GNAQ: variants seen among roughly 807,000 people sequenced by gnomAD.
GNAQ encodes G protein subunit alpha q.
Under a neutral mutation model 43.9 loss-of-function variants are expected in GNAQ, and 8 were observed. The ratio of observed to expected loss-of-function variants is 0.18; its 90% CI spans 0.11 to 0.33. GNAQ has a LOEUF of 0.33. Ranked by LOEUF, GNAQ falls within the 10% of genes least tolerant of loss-of-function variation. GNAQ has a pLI of 1.00. For synonymous variants in GNAQ, 155 were observed against 170.7 expected, an observed-to-expected ratio of 0.91 and a Z score of 0.71; for missense variants, 158 against 450.8, an observed-to-expected ratio of 0.35 and a Z score of 5.88.
intron 5 of GNAQ, among the ~76,000 whole-genome samples, chr9:77,772,939 CA>C: frequency 6.6e-6 from 1 of 152,026 alleles, no homozygotes; most frequent in Non-Finnish European, 1.5e-5. Flanking sequence ...AGAAACACGC[CA>C]AAAAAAATCT....
At chr9:77,918,258 G>A (rs890357379) in intron 2 of GNAQ, among the ~76,000 whole-genome samples, 4 of 152,200 alleles carry the variant, frequency 2.6e-5, no homozygotes, top group Non-Finnish European at 5.9e-5. Context: ...GACAATATTA[G>A]AAAGTATCTT....
chr9:77,988,879 CTA>C (rs1823474794), intron 1 of GNAQ, among the ~76,000 whole-genome samples: 1 of 152,152 alleles, frequency 6.6e-6, no homozygotes, highest in Non-Finnish European at 1.5e-5. Flanking sequence ...TTTCATCAGA[CTA>C]TTACTTCATA....
intron 1 of GNAQ, among the ~76,000 whole-genome samples, chr9:77,923,580 T>C (rs1829028192): frequency 6.6e-6 from 1 of 152,176 alleles, no homozygotes; most frequent in Admixed American, 6.6e-5. Context: ...TCTCAGGGCC[T>C]GTTTCTCACT....
At chr9:77,904,317 C>CGTTTTTT (rs1244010736) in intron 2 of GNAQ, among the ~76,000 whole-genome samples, 1 of 77,406 alleles carries the variant, frequency 1.3e-5, no homozygotes, top group Non-Finnish European at 2.2e-5. Context: ...TTCACACCGG[C>CGTTTTTT]TTTTTTTTTT....
At chr9:77,970,894 GAAGAA>G (rs1248332380) in intron 1 of GNAQ, among the ~76,000 whole-genome samples, 1 of 151,770 alleles carries the variant, frequency 6.6e-6, no homozygotes, top group Non-Finnish European at 1.5e-5. Context: ...CCCTAATAAA[GAAGAA>G]AAGAGAGAAG....
At chr9:77,742,594 C>A (rs1354969896) in intron 5 of GNAQ, among the ~76,000 whole-genome samples, 3 of 150,874 alleles carry the variant, frequency 2.0e-5, no homozygotes, top group South Asian at 2.1e-4. Flanking sequence ...AAAAAAAAAA[C>A]CAATGTTCCA....
At chr9:77,828,862 T>C (rs1037297513) in intron 2 of GNAQ, among the ~76,000 whole-genome samples, 10 of 152,198 alleles carry the variant, frequency 6.6e-5, no homozygotes, top group Admixed American at 4.6e-4. Context: ...AACTGGAATA[T>C]TGGATTAGAT....
chr9:77,751,149 A>G (rs957703261), intron 5 of GNAQ, among the ~76,000 whole-genome samples: 2 of 152,236 alleles, frequency 1.3e-5, no homozygotes, highest in African/African-American at 4.8e-5. Context: ...GCTATCAGGC[A>G]TCTGCTTTCA....
At chr9:77,725,780 C>T (rs12005624) in intron 6 of GNAQ, among the ~76,000 whole-genome samples, 1,889 of 152,046 alleles carry the variant, frequency 0.012, 41 homozygotes, top group African/African-American at 0.042. Context: ...TCTTTTATTG[C>T]GGAAAAATCA....
intron 2 of GNAQ, among the ~76,000 whole-genome samples, chr9:77,878,303 G>A (rs1828158205): frequency 6.6e-6 from 1 of 151,300 alleles, no homozygotes; most frequent in Non-Finnish European, 1.5e-5. Context: ...CTCAGTCTAG[G>A]GAAAATGGCC....
intron 1 of GNAQ, among the ~76,000 whole-genome samples, chr9:77,998,984 CGG>C (rs1211793783): frequency 2.1e-5 from 3 of 144,018 alleles, no homozygotes; most frequent in East Asian, 4.5e-4. Context: ...CCAGCTACTT[CGG>C]GGGGCTGAGG....
At chr9:77,739,868 G>C (rs535569055) in intron 5 of GNAQ, among the ~76,000 whole-genome samples, 34 of 152,260 alleles carry the variant, frequency 2.2e-4, no homozygotes, top group South Asian at 8.3e-4. Context: ...AGGATGCAGA[G>C]GTAAGAGACT....
intron 1 of GNAQ, among the ~76,000 whole-genome samples, chr9:77,976,444 G>A (rs1823303652): frequency 6.6e-6 from 1 of 152,116 alleles, no homozygotes. Context: ...CCAGGCTGGA[G>A]TGCAATGGCA....
intron 1 of GNAQ, among the ~76,000 whole-genome samples, chr9:77,960,480 T>C (rs529066262): frequency 3.3e-5 from 5 of 152,244 alleles, no homozygotes; most frequent in African/African-American, 1.2e-4. Context: ...GGAGTGATAT[T>C]ACAGAAGAGA....
chr9:77,840,817 T>C (rs571253754), intron 2 of GNAQ, among the ~76,000 whole-genome samples: 33 of 152,174 alleles, frequency 2.2e-4, no homozygotes, highest in Non-Finnish European at 4.0e-4. Flanking sequence ...GATTTGGGCA[T>C]AGACCTTAAG....
intron 5 of GNAQ, among the ~76,000 whole-genome samples, chr9:77,764,229 C>T (rs1418804864): frequency 6.6e-6 from 1 of 152,142 alleles, no homozygotes; most frequent in Admixed American, 6.5e-5. Flanking sequence ...ACTCAGGGAT[C>T]ATCTCTGAAT....
intron 2 of GNAQ, among the ~76,000 whole-genome samples, chr9:77,849,618 C>T (rs1389876795): frequency 6.6e-6 from 1 of 152,170 alleles, no homozygotes; most frequent in Non-Finnish European, 1.5e-5. Flanking sequence ...TTTCCACCTC[C>T]ACCACAGTTC....
intron 5 of GNAQ, among the ~76,000 whole-genome samples, chr9:77,736,436 G>C (rs980604372): frequency 6.6e-6 from 1 of 152,124 alleles, no homozygotes; most frequent in Non-Finnish European, 1.5e-5. Flanking sequence ...TTATTTCCTT[G>C]ATAATTTTCT....
chr9:77,927,850 C>A (rs1829091956), intron 1 of GNAQ, among the ~76,000 whole-genome samples: 1 of 152,134 alleles, frequency 6.6e-6, no homozygotes, highest in Non-Finnish European at 1.5e-5. Context: ...CCCCACCCCA[C>A]TCTCTTAATT....
Sources: gnomAD v4.1 joint callset for allele counts (sites outside exome capture counted in the v4.1 genomes callset) on GRCh38, gnomAD v4.1.1 for gene constraint, MANE v1.5 for transcripts, NCBI Gene and HGNC (gene_info 2026-07-23, HGNC 2026-07-21) for gene names.